The following NSD3 variants were observed in gnomAD, a reference collection of about 807,000 sequenced individuals.
NSD3 encodes the protein nuclear receptor binding SET domain protein 3, also known as histone-lysine N-methyltransferase NSD3.
A neutral mutation model predicts 160.8 loss-of-function variants in NSD3; 24 were observed. That is an observed-to-expected ratio of 0.15 (90% confidence interval 0.11 to 0.21). NSD3 has a LOEUF of 0.21. Ranked by LOEUF, NSD3 falls within the 10% of genes least tolerant of loss-of-function variation. The probability of loss-of-function intolerance (pLI) is 1.00; values close to 1 mark genes in which losing one functional copy is unlikely to be tolerated. For synonymous variants in NSD3, 520 were observed against 600.0 expected, an observed-to-expected ratio of 0.87 and a Z score of 1.95; for missense variants, 1,157 against 1,735.9, an observed-to-expected ratio of 0.67 and a Z score of 5.93.
At chr8:38,361,138 C>T (rs760869009) in intron 1 of NSD3, among the ~76,000 whole-genome samples, 112 of 152,170 alleles carry the variant, frequency 7.4e-4, no homozygotes, top group Admixed American at 3.1e-3. Context: ...GGATTACAGG[C>T]ACGCGCCACC....
Position 38,317,876 on chromosome 8 carries a change from T to C in NSD3, c.1855+1019A>G. On this transcript the variant is annotated intron_variant, in intron 9 of 23. Transcript: ENST00000317025. The surrounding 1 kb of genome is among the most constrained non-coding windows in gnomAD (Gnocchi z 5.3). ...AAATCAAAATCGAAAACAAAGAAACTGTTTATCAAGCCGCCGACAAAGAAA... is the reference window on the plus strand; with the variant it reads ...AAATCAAAATCGAAAACAAAGAAACCGTTTATCAAGCCGCCGACAAAGAAA... 3 of 1,591,860 alleles carry C rather than the reference T, an allele frequency of 1.9e-6. No homozygotes were observed. Among genetic ancestry groups the C allele is most frequent in the Non-Finnish European group, 2.6e-6 (3 of 1,169,648 alleles).
chr8:38,314,329 A>G (rs1809605570), intron 12 of NSD3, among the ~76,000 whole-genome samples: 1 of 152,228 alleles, frequency 6.6e-6, no homozygotes, highest in Non-Finnish European at 1.5e-5. Context: ...AGAACTTTAA[A>G]CCAATTTATT....
chr8:38,294,409 G>C (rs189352808), intron 16 of NSD3, among the ~76,000 whole-genome samples: 3 of 152,256 alleles, frequency 2.0e-5, no homozygotes, highest in Admixed American at 1.3e-4. Context: ...TTTTAAAACT[G>C]TATCACTATA....
intron 16 of NSD3, 48 bp downstream of exon 16, chr8:38,295,748 G>C (rs754240987): frequency 1.4e-5 from 22 of 1,581,720 alleles, no homozygotes; most frequent in Non-Finnish European, 9.5e-6. Context: ...TATGAAACTG[G>C]TCTGCACAAT....
At chr8:38,332,722 G>A (rs1810095016) in intron 4 of NSD3, among the ~76,000 whole-genome samples, 1 of 151,862 alleles carries the variant, frequency 6.6e-6, no homozygotes, top group African/African-American at 2.4e-5. Flanking sequence ...TTTTTTCAGG[G>A]GAAGGGCATT....
intron 2 of NSD3, among the ~76,000 whole-genome samples, chr8:38,339,698 C>G (rs1810312381): frequency 6.6e-6 from 1 of 151,232 alleles, no homozygotes; most frequent in Admixed American, 6.6e-5. Context: ...TGCACTCCAG[C>G]CTGGTGACAG....
chr8:38,279,726 T>G (rs1292847331), intron 20 of NSD3, 45 bp from the exon 21 acceptor site: 9 of 1,579,966 alleles, frequency 5.7e-6, no homozygotes, highest in Middle Eastern at 1.7e-4. Context: ...ATTAAGTCTC[T>G]CCCAGAAACA....
Position 38,304,772 on chromosome 8 carries a change from G to T in NSD3, c.2441-15C>A. The T allele has an allele frequency of 6.3e-7, 1 of 1,579,690 alleles. No homozygotes were observed. The highest frequency in any genetic ancestry group is 1.2e-5 in the South Asian group (1 of 85,826). On this transcript the variant is annotated splice_polypyrimidine_tract_variant and intron_variant, in intron 13 of 23. Coordinates refer to ENST00000317025, the MANE Select transcript of NSD3 (RefSeq NM_023034.2). ...CATCATGCGGCCTGTTTAAAGACAA[G>T]TCAAAAAGGAATCTAATAAGGCATC...
At position 38,305,404 on chromosome 8, in the gene NSD3, C is replaced by T; in HGVS notation, c.2284G>A (p.Val762Met). The T allele has an allele frequency of 1.2e-6, 2 of 1,614,160 alleles. No individual in the cohort carries two copies. The highest frequency in any genetic ancestry group is 8.5e-7 in the Non-Finnish European group (1 of 1,180,026). ...CFSCKVSGKD[V>M]KRCSVGACGK... ...CAAGCACCAACAGAACAACGCTTCA[C>T]ATCTTTACCAGACACTTTACACGAA... Residue 762 changes from valine (V) to methionine (M), a missense_variant, in exon 13 of 24, where the codon GTG becomes ATG. Val to Met is a conservative substitution (Grantham distance 21). Around this residue, in one of 10 missense-constraint regions of NSD3, gnomAD observed 437 missense variants for 576.6 expected, o/e 0.76. Coordinates refer to ENST00000317025, the MANE Select transcript of NSD3 (RefSeq NM_023034.2).
chr8:38,282,977 T>C (rs752008222), intron 19 of NSD3, among the ~76,000 whole-genome samples: 1 of 152,186 alleles, frequency 6.6e-6, no homozygotes, highest in Non-Finnish European at 1.5e-5. Context: ...CCTGGATAAA[T>C]GGCCAGGAGT....
At chr8:38,280,424 T>C (rs1808705289) in intron 20 of NSD3, among the ~76,000 whole-genome samples, 1 of 152,172 alleles carries the variant, frequency 6.6e-6, no homozygotes, top group Non-Finnish European at 1.5e-5. Context: ...TTTATGAAAG[T>C]TGTACAACTT....
chr8:38,360,359 G>A (rs1810932250), intron 1 of NSD3, among the ~76,000 whole-genome samples: 2 of 152,122 alleles, frequency 1.3e-5, no homozygotes, highest in African/African-American at 2.4e-5. Context: ...TATATTAATT[G>A]TATAAGCACT....
rs1808532897 is a variant in NSD3 at position 38,273,474 on chromosome 8, T to C, written c.*2167A>G. 1 of 152,190 alleles carries C rather than the reference T, an allele frequency of 6.6e-6. No individual in the cohort carries two copies. Among genetic ancestry groups the C allele is most frequent in the South Asian group, 2.1e-4 (1 of 4,832 alleles). 9.4% of individuals were successfully genotyped at this position (152,190 alleles called of 1,614,324 possible). A position where few individuals can be genotyped will look rare whatever the true frequency, so the allele number is the denominator to read the frequency against. ...GTAGTATATAGGATGTACCCTGGCT[T>C]ACCATAGAAAAGTCTTTAGATAGTA... On this transcript the variant is annotated 3_prime_UTR_variant, in exon 24 of 24. Transcript: ENST00000317025.
rs1488618033 is a variant in NSD3, at chr8:38,328,887, C to G, written c.1581+491G>C. ...TAATTGTTACAGAACAAACACAGTT[C>G]TGGGATTCTCTGAAAGGCAGTTAGA... On this transcript the variant is annotated intron_variant, in intron 6 of 23. Coordinates refer to ENST00000317025, the MANE Select transcript of NSD3 (RefSeq NM_023034.2). Among the ~76,000 whole-genome samples, 45 of 152,168 alleles carry G rather than the reference C, an allele frequency of 3.0e-4. 1 individual carries two copies. The highest frequency in any genetic ancestry group is 1.5e-4 in the Non-Finnish European group (10 of 68,040).
At chr8:38,338,402 G>A (rs1810276884) in intron 3 of NSD3, 134 bp downstream of exon 3, 5 of 704,512 alleles carry the variant, frequency 7.1e-6, no homozygotes, top group East Asian at 2.6e-5. Flanking sequence ...TATCAAACCA[G>A]CTCCAAGACT....
At position 38,271,671 on chromosome 8, in the gene NSD3, T is replaced by C. The variant is rs913178100; in HGVS notation, c.*3970A>G. On this transcript the variant is annotated 3_prime_UTR_variant, in exon 24 of 24. Coordinates refer to ENST00000317025, the MANE Select transcript of NSD3 (RefSeq NM_023034.2). ...TTCATCAATTCATGTCTGCACCAAC[T>C]TGGACAACTGGGGGAGGCTGGATGC... is the stretch of plus-strand genomic sequence containing the variant. 3 of 152,260 alleles carry C rather than the reference T, an allele frequency of 2.0e-5. No homozygotes were observed. Among genetic ancestry groups the C allele is most frequent in the African/African-American group, 7.2e-5 (3 of 41,474 alleles). The allele number at this position is 152,260 out of a possible 1,614,324, so 9.4% of individuals were successfully genotyped here.
At chr8:38,366,110 C>CAAAAAAAAAAAA (rs757397268) in intron 1 of NSD3, among the ~76,000 whole-genome samples, 1 of 44,334 alleles carries the variant, frequency 2.3e-5, no homozygotes, top group Non-Finnish European at 4.9e-5. Context: ...GACTCTGTCT[C>CAAAAAAAAAAAA]AAAAAAAAAA....
At chr8:38,327,490 G>A (rs1357578112) in intron 6 of NSD3, among the ~76,000 whole-genome samples, 1 of 152,124 alleles carries the variant, frequency 6.6e-6, no homozygotes, top group African/African-American at 2.4e-5. Flanking sequence ...GAGTAGCTGG[G>A]ACTACAGGCA....
At chr8:38,300,062 C>G (rs1401478257) in intron 14 of NSD3, among the ~76,000 whole-genome samples, 1 of 151,884 alleles carries the variant, frequency 6.6e-6, no homozygotes, top group African/African-American at 2.4e-5. Context: ...CTCCTTTTTT[C>G]TATTCATATC....
Sources: allele counts gnomAD v4.1 joint callset (sites outside exome capture counted in the v4.1 genomes callset), GRCh38; gene constraint gnomAD v4.1.1; regional missense constraint gnomAD v4.1.1; non-coding constraint Gnocchi (gnomAD v3.1); transcripts MANE v1.5; gene names NCBI Gene and HGNC (gene_info 2026-07-23, HGNC 2026-07-21).